The following INVS variants were observed in gnomAD, a reference collection of about 807,000 sequenced individuals.
INVS encodes the protein inversion of embryo turning homolog.
Under a neutral mutation model 108.8 loss-of-function variants are expected in INVS, and 86 were observed. The observed-to-expected ratio is 0.79, with a 90% CI of 0.66 to 0.95. The LOEUF (loss-of-function observed/expected upper bound fraction) is 0.95, where lower values mean the gene tolerates loss of function less well. INVS is among the 40% of genes least tolerant of loss of function. The pLI is 0.00. For synonymous variants in INVS, 455 were observed against 473.5 expected, an observed-to-expected ratio of 0.96 and a Z score of 0.51; for missense variants, 1,169 against 1,297.4, an observed-to-expected ratio of 0.90 and a Z score of 1.52.
intron 6 of INVS, 26 bp from the exon 7 acceptor site, chr9:100,242,544 A>T (rs777740991): frequency 8.5e-7 from 1 of 1,175,116 alleles, no homozygotes; most frequent in Non-Finnish European, 1.3e-6. Context: ...TATAAGTGAT[A>T]ATTACCTTTT....
rs956785727 is a variant in INVS at position 100,284,246 on chromosome 9, T to A, written c.1785-74T>A. On this transcript the variant is annotated intron_variant, in intron 12 of 16. Transcript: ENST00000262457. ...GTGATGTAGTAGCTCCTCTTAAAAT[T>A]TAAACTCACACAGAGACTTGAGGAG... 3.2e-6 allele frequency: 5 copies of A among 1,571,628 alleles called. No individual in the cohort carries two copies. In the African/African-American group the frequency reaches 5.4e-5, roughly 17 times the overall value.
chr9:100,178,300 G>A (rs1236349172), intron 3 of INVS, among the ~76,000 whole-genome samples: 1 of 152,182 alleles, frequency 6.6e-6, no homozygotes, highest in East Asian at 1.9e-4. Context: ...GACAGAAGTA[G>A]GCTTCAGAAG....
At chr9:100,258,783 C>A (rs1339967288) in intron 10 of INVS, among the ~76,000 whole-genome samples, 1 of 152,172 alleles carries the variant, frequency 6.6e-6, no homozygotes, top group African/African-American at 2.4e-5. Context: ...CTGGAAGCTT[C>A]GTCTCAGAGG....
Position 100,273,019 on chromosome 9 carries a change from G to A in INVS, c.1727G>A (p.Arg576Gln), listed in dbSNP as rs758506682. 109 of 1,613,824 alleles carry A rather than the reference G, an allele frequency of 6.8e-5. No homozygotes were observed. The highest frequency in any genetic ancestry group is 8.1e-5 in the Non-Finnish European group (96 of 1,180,000). ...YKGYKVRKAF[R>Q]DRKNLLMKHE... Reference sequence around the variant, plus strand: ...GGGTACAAGGTCAGAAAAGCCTTCCGAGACAGGAAAAATCTCCTCATGAAG... The same window carrying A: ...GGGTACAAGGTCAGAAAAGCCTTCCAAGACAGGAAAAATCTCCTCATGAAG... The change falls in exon 12 of 17, where the codon CGA becomes CAA. Residue 576 changes from arginine to glutamine, a missense_variant. Around this residue, in one of 3 missense-constraint regions of INVS, gnomAD observed 271 missense variants for 363.8 expected, o/e 0.74. Transcript: ENST00000262457.
At chr9:100,299,253 TAGG>T (rs997748302) in intron 16 of INVS, among the ~76,000 whole-genome samples, 3 of 152,230 alleles carry the variant, frequency 2.0e-5, no homozygotes, top group African/African-American at 7.2e-5. Flanking sequence ...ACCCCAAATT[TAGG>T]AGAACACACA....
In INVS at chr9:100,261,934, G is replaced by A. The variant is rs140210562; in HGVS notation, c.1465-2888G>A. Among the ~76,000 whole-genome samples, 7 of 151,904 alleles carry A rather than the reference G, an allele frequency of 4.6e-5. No individual in the cohort carries two copies. The East Asian group carries it at 1.4e-3, about 29-fold the overall frequency. ...TTCCTTATATTCCCACTTGCCAAGA[G>A]TTTTTTTAAATCATAGTTGGGTTTT... On this transcript the variant is annotated intron_variant, in intron 10 of 16. Coordinates refer to ENST00000262457, the MANE Select transcript of INVS (RefSeq NM_014425.5).
At chr9:100,240,277 C>T (rs373701348) in intron 6 of INVS, 37 bp downstream of exon 6, 1 of 1,504,350 alleles carries the variant, frequency 6.6e-7, no homozygotes, top group Non-Finnish European at 9.3e-7. Context: ...AAAGGAACTT[C>T]ATGAGTATAG....
chr9:100,301,012 T>G lies in INVS; in HGVS notation c.*338T>G, dbSNP rs374733495. Reference sequence around the variant, plus strand: ...TCTAAGGAAAACTACGGCTGCTGGGTTGGGATTTCTGCCAGCTAGCTGGTA... The same window carrying G: ...TCTAAGGAAAACTACGGCTGCTGGGGTGGGATTTCTGCCAGCTAGCTGGTA... On this transcript the variant is annotated 3_prime_UTR_variant, in exon 17 of 17. Coordinates refer to ENST00000262457, the MANE Select transcript of INVS (RefSeq NM_014425.5). 4.8e-5 allele frequency: 15 copies of G among 314,140 alleles called. No homozygotes were observed. Among genetic ancestry groups the G allele is most frequent in the East Asian group, 3.9e-4 (5 of 12,826 alleles). 19.5% of individuals were successfully genotyped at this position (314,140 alleles called of 1,614,324 possible). A position where few individuals can be genotyped will look rare whatever the true frequency, so the allele number is the denominator to read the frequency against.
chr9:100,148,974 A>T (rs150209654), intron 3 of INVS, among the ~76,000 whole-genome samples: 199 of 152,220 alleles, frequency 1.3e-3, no homozygotes, highest in African/African-American at 4.7e-3. Flanking sequence ...AAGGTAACAG[A>T]CTGCCATGTA....
chr9:100,296,471 A>C (rs759258934), intron 14 of INVS, among the ~76,000 whole-genome samples: 2 of 152,178 alleles, frequency 1.3e-5, no homozygotes, highest in African/African-American at 2.4e-5. Flanking sequence ...GCCTCTATCT[A>C]TCTCTGCTGA....
chr9:100,133,100 A>C (rs927235037), intron 3 of INVS, among the ~76,000 whole-genome samples: 1 of 152,188 alleles, frequency 6.6e-6, no homozygotes, highest in African/African-American at 2.4e-5. Flanking sequence ...GTGAGACTCC[A>C]TCTCAAAAAA....
intron 7 of INVS, among the ~76,000 whole-genome samples, chr9:100,244,853 T>C (rs553975757): frequency 6.6e-6 from 1 of 152,288 alleles, no homozygotes; most frequent in African/African-American, 2.4e-5. Flanking sequence ...TCACAAACTT[T>C]TACCTCAGTA....
chr9:100,100,928 AATATATATAATATATATAC>A (rs1826932803), intron 1 of INVS, among the ~76,000 whole-genome samples: 1 of 23,230 alleles, frequency 4.3e-5, no homozygotes, highest in Non-Finnish European at 6.4e-5. Flanking sequence ...GTATATATAT[AATATATATAATATATATAC>A]ATATATATTA....
intron 3 of INVS, among the ~76,000 whole-genome samples, chr9:100,221,362 G>A (rs1201917465): frequency 1.3e-5 from 2 of 151,958 alleles, no homozygotes; most frequent in South Asian, 2.1e-4. Flanking sequence ...GGGTGCAGGG[G>A]CACAATCATG....
At chr9:100,241,765 A>G (rs1390447284) in intron 6 of INVS, among the ~76,000 whole-genome samples, 2 of 152,304 alleles carry the variant, frequency 1.3e-5, no homozygotes, top group South Asian at 2.1e-4. Flanking sequence ...GATGAACACA[A>G]TTTCCACTCA....
intron 3 of INVS, chr9:100,214,923 A>G (rs1297947755): frequency 3.3e-5 from 5 of 152,192 alleles, no homozygotes; most frequent in Admixed American, 3.3e-4. Flanking sequence ...TTTCCTTCCT[A>G]GGGGCTGAAG....
chr9:100,243,840 G>A (rs10819746), intron 7 of INVS, among the ~76,000 whole-genome samples: 26,086 of 151,902 alleles, frequency 0.17, 3,342 homozygotes, highest in African/African-American at 0.37. Context: ...TGGAAACCCC[G>A]TTTCTACTAA....
At chr9:100,261,169 T>C (rs368357637) in intron 10 of INVS, among the ~76,000 whole-genome samples, 2 of 152,280 alleles carry the variant, frequency 1.3e-5, no homozygotes, top group East Asian at 1.9e-4. Flanking sequence ...TATGAACTCA[T>C]TGAACAAGTA....
In INVS at chr9:100,175,496, C is replaced by A. The variant is rs887129696; in HGVS notation, c.273+48947C>A. On this transcript the variant is annotated intron_variant, in intron 3 of 16. Coordinates refer to ENST00000262457, the MANE Select transcript of INVS (RefSeq NM_014425.5). The stretch of plus-strand genomic sequence containing the variant: ...GTGATAGATTTCAGAGACAGAAATA[C>A]CTCAGCCTCCAGCAGATGCAAGAAC... 4 of 776,514 alleles carry A rather than the reference C, an allele frequency of 5.2e-6. No homozygotes were observed. In the Admixed American group the frequency reaches 7.2e-5, roughly 14 times the overall value. 48.1% of individuals were successfully genotyped at this position (776,514 alleles called of 1,614,324 possible).
Sources: allele counts gnomAD v4.1 joint callset (sites outside exome capture counted in the v4.1 genomes callset), GRCh38; gene constraint gnomAD v4.1.1; regional missense constraint gnomAD v4.1.1; transcripts MANE v1.5; gene names NCBI Gene and HGNC (gene_info 2026-07-23, HGNC 2026-07-21).